Variants in ARHGAP10 observed in about 807,000 individuals in gnomAD.
ARHGAP10 encodes rho GTPase-activating protein 10.
A neutral mutation model predicts 108.6 loss-of-function variants in ARHGAP10; 87 were observed. That is an observed-to-expected ratio of 0.80 (90% confidence interval 0.67 to 0.96). The LOEUF is 0.96. Among genes scored for constraint, ARHGAP10 ranks in the 40% least tolerant of loss-of-function variants. The probability of loss-of-function intolerance (pLI) is 0.00; values close to 1 mark genes in which losing one functional copy is unlikely to be tolerated. For synonymous variants in ARHGAP10, 347 were observed against 341.1 expected (o/e 1.02, Z -0.19); for missense variants, 939 against 954.5 (o/e 0.98, Z 0.21).
At chr4:147,831,332 G>A (rs918703895) in intron 3 of ARHGAP10, among the ~76,000 whole-genome samples, 2 of 152,206 alleles carry the variant, frequency 1.3e-5, no homozygotes, top group African/African-American at 4.8e-5. Context: ...TAATGGAATA[G>A]GTTTAGTAGG....
intron 1 of ARHGAP10, among the ~76,000 whole-genome samples, chr4:147,791,407 C>T (rs1446330718): frequency 1.3e-5 from 2 of 152,078 alleles, no homozygotes; most frequent in South Asian, 2.1e-4. Flanking sequence ...CCACTGCGCC[C>T]GGCCTCTTCT....
At chr4:148,049,847 C>CG (rs1307494697) in intron 20 of ARHGAP10, among the ~76,000 whole-genome samples, 2 of 13,248 alleles carry the variant, frequency 1.5e-4, no homozygotes, top group Admixed American at 8.4e-4. Context: ...GGGCGGGGGG[C>CG]GGGGGGCGGG....
chr4:147,746,028 T>C (rs1728902765), intron 1 of ARHGAP10, among the ~76,000 whole-genome samples: 1 of 151,820 alleles, frequency 6.6e-6, no homozygotes, highest in Non-Finnish European at 1.5e-5. Flanking sequence ...GACCTCGTGA[T>C]CTTCCCGCCT....
At chr4:148,053,302 C>T (rs926461311) in intron 20 of ARHGAP10, among the ~76,000 whole-genome samples, 4 of 152,106 alleles carry the variant, frequency 2.6e-5, no homozygotes, top group South Asian at 2.1e-4. Flanking sequence ...CACCCTGCCC[C>T]GATTCTGAAA....
At chr4:147,969,789 T>G (rs1739338896) in intron 18 of ARHGAP10, among the ~76,000 whole-genome samples, 1 of 152,254 alleles carries the variant, frequency 6.6e-6, no homozygotes, top group South Asian at 2.1e-4. Flanking sequence ...GGCCTCGCTT[T>G]CAGAGCTTTA....
chr4:147,830,307 C>G (rs766114966), intron 3 of ARHGAP10, among the ~76,000 whole-genome samples: 3 of 152,092 alleles, frequency 2.0e-5, no homozygotes, highest in Non-Finnish European at 4.4e-5. Flanking sequence ...TTTAGATGGT[C>G]GGTCACAGGC....
chr4:147,775,432 TA>T (rs150174356), intron 1 of ARHGAP10, among the ~76,000 whole-genome samples: 2,900 of 152,286 alleles, frequency 0.019, 90 homozygotes, highest in African/African-American at 0.065. Flanking sequence ...CCTGTTGTCT[TA>T]GGGGCCAGCT....
At position 147,732,088 on chromosome 4, in the gene ARHGAP10, G is replaced by A. The variant is rs1728231830; in HGVS notation, c.-214G>A. On this transcript the variant is annotated 5_prime_UTR_variant, in exon 1 of 23. Transcript: ENST00000336498. ...GAGCTCGGCGGGGGCTGCCGGGATT[G>A]GGGCGCCGCAGCTAGCGCTGGTCTC... The A allele has an allele frequency of 3.0e-6, 1 of 334,894 alleles. No homozygotes were observed. Among genetic ancestry groups the A allele is most frequent in the East Asian group, 5.0e-5 (1 of 19,876 alleles). 20.7% of individuals were successfully genotyped at this position (334,894 alleles called of 1,614,324 possible).
chr4:147,985,830 TCTCCCTCGGC>T (rs1740024232), intron 18 of ARHGAP10, among the ~76,000 whole-genome samples: 1 of 152,168 alleles, frequency 6.6e-6, no homozygotes, highest in South Asian at 2.1e-4. Context: ...AACAAAGTGC[TCTCCCTCGGC>T]CTGGGTTGCG....
intron 3 of ARHGAP10, among the ~76,000 whole-genome samples, chr4:147,823,331 A>G (rs562872433): frequency 6.6e-6 from 1 of 152,240 alleles, no homozygotes; most frequent in Non-Finnish European, 1.5e-5. Flanking sequence ...AACAGAGGAC[A>G]GCTGGGCAAT....
intron 13 of ARHGAP10, among the ~76,000 whole-genome samples, chr4:147,937,727 C>A (rs1269613445): frequency 6.6e-6 from 1 of 152,178 alleles, no homozygotes; most frequent in Non-Finnish European, 1.5e-5. Context: ...TGCCTGTAAT[C>A]CCAGCACTTT....
intron 19 of ARHGAP10, among the ~76,000 whole-genome samples, chr4:148,034,010 C>T (rs1007527365): frequency 6.6e-6 from 1 of 152,152 alleles, no homozygotes; most frequent in Non-Finnish European, 1.5e-5. Flanking sequence ...TTTCTTCCCT[C>T]CTCTTGATGT....
At chr4:147,735,444 A>G (rs1364292809) in intron 1 of ARHGAP10, among the ~76,000 whole-genome samples, 3 of 152,198 alleles carry the variant, frequency 2.0e-5, no homozygotes, top group Admixed American at 1.3e-4. Context: ...ACCTTATCAT[A>G]TTGGAAACCA....
At chr4:148,055,358 C>T (rs1419771500) in intron 20 of ARHGAP10, among the ~76,000 whole-genome samples, 3 of 152,134 alleles carry the variant, frequency 2.0e-5, no homozygotes, top group Admixed American at 6.5e-5. Flanking sequence ...CTGCAGTGCC[C>T]TTCCTCCTCT....
chr4:148,053,280 G>A (rs1729221698), intron 20 of ARHGAP10, among the ~76,000 whole-genome samples: 1 of 152,130 alleles, frequency 6.6e-6, no homozygotes, highest in African/African-American at 2.4e-5. Context: ...TGCTTGAATT[G>A]CAGGTATTCT....
At chr4:147,973,550 C>T (rs1578748333) in intron 18 of ARHGAP10, among the ~76,000 whole-genome samples, 1 of 152,092 alleles carries the variant, frequency 6.6e-6, no homozygotes, top group Non-Finnish European at 1.5e-5. Flanking sequence ...TCCAGTTATA[C>T]TCTTTTAGTT....
intron 1 of ARHGAP10, among the ~76,000 whole-genome samples, chr4:147,761,391 C>T (rs529470541): frequency 5.3e-5 from 8 of 152,194 alleles, no homozygotes; most frequent in African/African-American, 1.7e-4. Flanking sequence ...TAGTAGTAAT[C>T]GCTGTACTGA....
At chr4:147,868,658 AC>A (rs1734669736) in intron 7 of ARHGAP10, among the ~76,000 whole-genome samples, 1 of 152,226 alleles carries the variant, frequency 6.6e-6, no homozygotes, top group South Asian at 2.1e-4. Context: ...TTTAAGGAAG[AC>A]AATTCTATAG....
chr4:147,807,128 T>A (rs1560768904), intron 1 of ARHGAP10, among the ~76,000 whole-genome samples: 2 of 152,210 alleles, frequency 1.3e-5, no homozygotes, highest in Non-Finnish European at 2.9e-5. Flanking sequence ...TGGAGAGACC[T>A]GGCTTTGATT....
Sources: allele counts gnomAD v4.1 joint callset (sites outside exome capture counted in the v4.1 genomes callset), GRCh38; gene constraint gnomAD v4.1.1; transcripts MANE v1.5; gene names NCBI Gene and HGNC (gene_info 2026-07-23, HGNC 2026-07-21).